FYB2: variants seen among roughly 807,000 people sequenced by gnomAD.
The protein encoded by FYB2 is FYN binding protein 2, also known as FYN-binding protein 2.
In FYB2, 103 loss-of-function variants were observed where a neutral mutation model predicts 94.1. The observed-to-expected ratio is 1.09, with a 90% CI of 0.93 to 1.29. The LOEUF (loss-of-function observed/expected upper bound fraction) is 1.29. FYB2 is among the 50% of genes most tolerant of loss of function. The pLI is 0.00. For synonymous variants in FYB2, 293 were observed against 287.9 expected (o/e 1.02, Z -0.18); for missense variants, 896 against 841.5 (o/e 1.06, Z -0.80).
chr1:56,740,900 T>A, intron 12 of FYB2, 105 bp from the exon 13 acceptor site: 1 of 705,414 alleles, frequency 1.4e-6, no homozygotes, highest in South Asian at 2.2e-5. Context: ...CACTTGTAAG[T>A]GGGAGCTAAA....
chr1:56,729,493 A>G (rs569244370), intron 15 of FYB2, among the ~76,000 whole-genome samples: 2 of 152,222 alleles, frequency 1.3e-5, no homozygotes, highest in South Asian at 4.1e-4. Flanking sequence ...TCTTCAGTGG[A>G]CCCAACACTG....
chr1:56,740,759 T>C lies in FYB2; in HGVS notation c.1641A>G (p.Gln547=). The part of the protein sequence containing the change: ...DGKEALKRLQ[Q]FFKKEKDRFK... ...ATCTATCCTTTTCTTTCTTGAAGAA[T>C]TGCTGCAGTCTTTTGAGTGCTTCTT... The change falls in exon 13 of 20, where the codon CAA becomes CAG. Residue 547 remains glutamine, a synonymous_variant. Transcript: ENST00000343433. The C allele has an allele frequency of 6.2e-7, 1 of 1,608,274 alleles. No individual in the cohort carries two copies. The highest frequency in any genetic ancestry group is 8.5e-7 in the Non-Finnish European group (1 of 1,176,978).
intron 16 of FYB2, among the ~76,000 whole-genome samples, chr1:56,723,954 T>TA (rs1490621633): frequency 2.0e-5 from 3 of 151,934 alleles, no homozygotes; most frequent in African/African-American, 4.8e-5. Flanking sequence ...TCGCTACAAT[T>TA]AAAAAAATAT....
Position 56,737,106 on chromosome 1 carries a change from G to T in FYB2, c.1774C>A (p.Leu592Met), listed in dbSNP as rs1173881667. Residue 592 changes from leucine to methionine, a missense_variant, in exon 15 of 20, where the codon CTG (leucine) becomes ATG (methionine). By Grantham distance (15) the Leu-to-Met change is conservative. Coordinates refer to ENST00000343433, the MANE Select transcript of FYB2 (RefSeq NM_001004303.5). The part of the protein sequence containing the change: ...QEVIIYDDVD[L>M]SEKESKDEDK... ...ACTTACTTTGACTCTTTTTCACTCA[G>T]GTCTACATCATCATAAATAATAACT... is the stretch of plus-strand genomic sequence containing the variant. 6.2e-7 allele frequency: 1 copy of T among 1,606,108 alleles called. No individual in the cohort carries two copies.
At chr1:56,819,489 C>A, upstream of FYB2, 1 of 691,802 alleles carries the variant, frequency 1.4e-6, no homozygotes, top group Non-Finnish European at 2.4e-6. Context: ...GGGCCGGCCG[C>A]CATCCTCCCA....
chr1:56,815,748 A>G (rs1298599573), intron 1 of FYB2, among the ~76,000 whole-genome samples: 1 of 152,202 alleles, frequency 6.6e-6, no homozygotes, highest in East Asian at 1.9e-4. Context: ...CACTTATAAG[A>G]GGCAAAAGTA....
At chr1:56,792,985 C>A (rs1397641665) in intron 1 of FYB2, among the ~76,000 whole-genome samples, 182 bp from the exon 2 acceptor site, 2 of 152,020 alleles carry the variant, frequency 1.3e-5, no homozygotes, top group Non-Finnish European at 2.9e-5. Flanking sequence ...TGTTAGCCAG[C>A]AATGCTATTG....
chr1:56,773,798 A>G (rs888434372), intron 4 of FYB2, among the ~76,000 whole-genome samples: 1 of 152,162 alleles, frequency 6.6e-6, no homozygotes, highest in East Asian at 1.9e-4. Flanking sequence ...TCAATGGGCC[A>G]TGCATTTTGG....
At chr1:56,739,094 C>T in intron 13 of FYB2, among the ~76,000 whole-genome samples, 1 of 151,922 alleles carries the variant, frequency 6.6e-6, no homozygotes, top group Non-Finnish European at 1.5e-5. Context: ...TAGTGAGAGA[C>T]AGAACTAGAG....
At chr1:56,776,771 C>T (rs925304036) in intron 4 of FYB2, among the ~76,000 whole-genome samples, 1 of 152,164 alleles carries the variant, frequency 6.6e-6, no homozygotes, top group African/African-American at 2.4e-5. Context: ...CTACAGCATT[C>T]GACCTTGATA....
At chr1:56,731,921 G>T (rs1470366409) in intron 15 of FYB2, 4 of 152,050 alleles carry the variant, frequency 2.6e-5, no homozygotes, top group African/African-American at 9.7e-5. Context: ...AGCTTTTCTG[G>T]AATAAGACAT....
chr1:56,726,346 T>C (rs967239675), intron 16 of FYB2, 151 bp downstream of exon 16: 3 of 598,884 alleles, frequency 5.0e-6, no homozygotes, highest in Admixed American at 7.2e-5. Context: ...TTTAATCCTC[T>C]CAACTGTACC....
At chr1:56,782,828 T>A (rs1289247383) in intron 4 of FYB2, among the ~76,000 whole-genome samples, 1 of 152,192 alleles carries the variant, frequency 6.6e-6, no homozygotes, top group Non-Finnish European at 1.5e-5. Flanking sequence ...CTCCTTTATG[T>A]GTCTGAGTCA....
rs541430357 is a variant in FYB2 at position 56,819,396 on chromosome 1, A to C, written c.-106T>G. ...TGTCTCTGCTAGCCAGGGAGCAATC[A>C]CTTCCCACAGGACACACCTGAGCCC... On this transcript the variant is annotated 5_prime_UTR_variant, in exon 1 of 20. Transcript: ENST00000343433. The C allele has an allele frequency of 1.4e-5, 21 of 1,491,188 alleles. No individual in the cohort carries two copies. In the African/African-American group the frequency reaches 2.2e-4, roughly 16 times the overall value. 92.4% of individuals were successfully genotyped at this position (1,491,188 alleles called of 1,614,324 possible). A position where few individuals can be genotyped will look rare whatever the true frequency, so the allele number is the denominator to read the frequency against.
At chr1:56,824,861 T>C in the FYB2 span, 1 of 152,260 alleles carries the variant, frequency 6.6e-6, no homozygotes, top group Non-Finnish European at 1.5e-5. Context: ...CATGGCCCCA[T>C]GTGACAGATC....
chr1:56,731,201 C>T (rs1033261745), intron 15 of FYB2, among the ~76,000 whole-genome samples: 2 of 152,096 alleles, frequency 1.3e-5, no homozygotes, highest in African/African-American at 4.8e-5. Flanking sequence ...GTGAGCACAT[C>T]CCCAGAAAGA....
At chr1:56,765,742 C>T (rs1033946466) in intron 5 of FYB2, among the ~76,000 whole-genome samples, 4 of 152,188 alleles carry the variant, frequency 2.6e-5, no homozygotes, top group Admixed American at 6.5e-5. Flanking sequence ...AGGGAACTCA[C>T]CACCTTATCC....
At chr1:56,797,811 A>G (rs1173357472) in intron 1 of FYB2, among the ~76,000 whole-genome samples, 2 of 152,252 alleles carry the variant, frequency 1.3e-5, no homozygotes, top group African/African-American at 4.8e-5. Flanking sequence ...CGACAACAAC[A>G]AAACACACTG....
At chr1:56,775,968 T>C (rs1267356442) in intron 4 of FYB2, among the ~76,000 whole-genome samples, 1 of 152,148 alleles carries the variant, frequency 6.6e-6, no homozygotes, top group African/African-American at 2.4e-5. Flanking sequence ...CATAATCCTC[T>C]CAGTAGCAGT....
Sources: allele counts gnomAD v4.1 joint callset (sites outside exome capture counted in the v4.1 genomes callset), GRCh38; gene constraint gnomAD v4.1.1; transcripts MANE v1.5; gene names NCBI Gene and HGNC (gene_info 2026-07-23, HGNC 2026-07-21).